Variants in GMPS observed in about 807,000 individuals in gnomAD.
GMPS encodes guanosine monophosphate synthase, also known as GMP synthase [glutamine-hydrolyzing].
Under a neutral mutation model 77.9 loss-of-function variants are expected in GMPS, and 15 were observed. The observed-to-expected ratio is 0.19, with a 90% CI of 0.13 to 0.30. The LOEUF (loss-of-function observed/expected upper bound fraction) is 0.30. Among genes scored for constraint, GMPS ranks in the 10% least tolerant of loss-of-function variants. The probability of loss-of-function intolerance (pLI) is 1.00; values close to 1 mark genes in which losing one functional copy is unlikely to be tolerated. For synonymous variants in GMPS, 224 were observed against 275.9 expected (o/e 0.81, Z 1.86); for missense variants, 590 against 838.8 (o/e 0.70, Z 3.66).
chr3:155,899,343 CA>C (rs1402114918), intron 3 of GMPS, among the ~76,000 whole-genome samples: 1 of 150,294 alleles, frequency 6.7e-6, no homozygotes, highest in Non-Finnish European at 1.5e-5. Flanking sequence ...ACTCCAGCCT[CA>C]GTGACAAGAG....
chr3:155,882,658 A>C (rs1754238254), intron 1 of GMPS, among the ~76,000 whole-genome samples: 1 of 152,256 alleles, frequency 6.6e-6, no homozygotes, highest in Non-Finnish European at 1.5e-5. Context: ...AATATATTTT[A>C]AAAGCCCCCA....
intron 1 of GMPS, among the ~76,000 whole-genome samples, chr3:155,876,914 C>T (rs1010434612): frequency 6.6e-6 from 1 of 152,304 alleles, no homozygotes; most frequent in East Asian, 1.9e-4. Context: ...TCTAGTCTGC[C>T]ATAACACTTG....
At chr3:155,936,712 G>T (rs890276196) in intron 15 of GMPS, among the ~76,000 whole-genome samples, 1 of 151,838 alleles carries the variant, frequency 6.6e-6, no homozygotes, top group African/African-American at 2.4e-5. Context: ...CTCTCCAATT[G>T]TGTGATTACT....
At chr3:155,935,748 A>G (rs543694736) in intron 14 of GMPS, among the ~76,000 whole-genome samples, 2 of 152,240 alleles carry the variant, frequency 1.3e-5, no homozygotes, top group South Asian at 4.2e-4. Flanking sequence ...GATCTCAACT[A>G]TAGTGTTGAA....
chr3:155,936,562 A>T (rs1483792286), intron 15 of GMPS, 52 bp downstream of exon 15: 2 of 1,022,556 alleles, frequency 2.0e-6, no homozygotes, highest in Non-Finnish European at 3.1e-6. Context: ...CTTACATTTT[A>T]TAATATGGTG....
At chr3:155,870,626 G>C (rs1323198831), upstream of GMPS, 1 of 458,268 alleles carries the variant, frequency 2.2e-6, no homozygotes, top group East Asian at 3.6e-5. Flanking sequence ...GTGGCCGGCC[G>C]GGGCGGAAGC....
At chr3:155,899,568 A>G (rs975840897) in intron 3 of GMPS, among the ~76,000 whole-genome samples, 7 of 152,214 alleles carry the variant, frequency 4.6e-5, no homozygotes, top group Non-Finnish European at 5.9e-5. Flanking sequence ...CCCACACCAG[A>G]GTGATACATT....
chr3:155,898,729 C>T (rs1754658912), intron 3 of GMPS, among the ~76,000 whole-genome samples: 1 of 152,034 alleles, frequency 6.6e-6, no homozygotes. Flanking sequence ...GTGATGATTC[C>T]TCATTGTTAG....
chr3:155,874,938 G>T (rs2108044581), intron 1 of GMPS, among the ~76,000 whole-genome samples: 2 of 118,484 alleles, frequency 1.7e-5, no homozygotes, highest in Non-Finnish European at 3.2e-5. Context: ...GACAGAGTCT[G>T]GCTCTGTTGC....
At position 155,941,036 on chromosome 3, in the gene GMPS, A is replaced by T; in HGVS notation, c.*3344A>T. The T allele has an allele frequency of 5.1e-6, 1 of 195,008 alleles. No homozygotes were observed. The highest frequency in any genetic ancestry group is 1.1e-5 in the Non-Finnish European group (1 of 93,608). 12.1% of individuals were successfully genotyped at this position (195,008 alleles called of 1,614,324 possible). The stretch of plus-strand genomic sequence containing the variant: ...TACATACAGCTAATTGTTGGGAGCT[A>T]GAGCTAGAATCCAAGCTTTCTGATT... On this transcript the variant is annotated 3_prime_UTR_variant, in exon 16 of 16. Coordinates refer to ENST00000496455, the MANE Select transcript of GMPS (RefSeq NM_003875.3).
chr3:155,882,640 T>A lies in GMPS; in HGVS notation c.28-10878T>A, dbSNP rs187321508. ...GTAAATTTCTAGACAAATGAAAATT[T>A]AAAATCCAATATATTTTAAAAGCCC... On this transcript the variant is annotated intron_variant, in intron 1 of 15. Transcript: ENST00000496455. Among the ~76,000 whole-genome samples the A allele has an allele frequency of 2.6e-3, 394 of 152,356 alleles. 3 individuals carry two copies. Among genetic ancestry groups the A allele is most frequent in the Non-Finnish European group, 8.1e-4 (55 of 68,038 alleles).
At chr3:155,900,218 A>G (rs1218221944) in intron 3 of GMPS, among the ~76,000 whole-genome samples, 1 of 152,136 alleles carries the variant, frequency 6.6e-6, no homozygotes, top group Non-Finnish European at 1.5e-5. Context: ...ACAATTTTGC[A>G]TTTTACAGTA....
intron 12 of GMPS, among the ~76,000 whole-genome samples, chr3:155,927,070 A>G (rs1387674100): frequency 6.6e-6 from 1 of 152,112 alleles, no homozygotes; most frequent in African/African-American, 2.4e-5. Context: ...ATTTTATTTC[A>G]TGAAAGTGAT....
At chr3:155,908,212 G>A (rs1754943190) in intron 5 of GMPS, among the ~76,000 whole-genome samples, 1 of 152,200 alleles carries the variant, frequency 6.6e-6, no homozygotes, top group African/African-American at 2.4e-5. Context: ...GAAGATAAAG[G>A]GGAGGGTACC....
At chr3:155,879,727 G>T (rs1388770578) in intron 1 of GMPS, among the ~76,000 whole-genome samples, 9 of 105,248 alleles carry the variant, frequency 8.6e-5, no homozygotes, top group South Asian at 3.2e-4. Context: ...GGTCTTTTTT[G>T]CCCTTTTTTT....
rs1366492989 is a variant in GMPS at position 155,942,124 on chromosome 3, C to G, written c.*4432C>G. On this transcript the variant is annotated 3_prime_UTR_variant, in exon 16 of 16. Transcript: ENST00000496455. ...TTGTTTTTTTTTTAAGACAGAGTCT[C>G]GCTCTGTCCCCAAGTGCAGTGGCAC... 8 of 189,194 alleles carry G rather than the reference C, an allele frequency of 4.2e-5. No individual in the cohort carries two copies. The South Asian group carries it at 1.4e-3, about 32-fold the overall frequency. The allele number at this position is 189,194 out of a possible 1,614,324, so 11.7% of individuals were successfully genotyped here.
intron 1 of GMPS, among the ~76,000 whole-genome samples, chr3:155,886,722 G>A (rs2108063386): frequency 6.8e-6 from 1 of 146,120 alleles, no homozygotes; most frequent in African/African-American, 2.5e-5. Context: ...TAGCCAGGTT[G>A]GTCTCGATCT....
At chr3:155,892,578 C>G (rs1413336131) in intron 1 of GMPS, among the ~76,000 whole-genome samples, 2 of 152,154 alleles carry the variant, frequency 1.3e-5, no homozygotes, top group African/African-American at 4.8e-5. Context: ...ATTAACCTTT[C>G]AGAAAAGTGT....
intron 1 of GMPS, among the ~76,000 whole-genome samples, chr3:155,871,575 C>G (rs1203898731): frequency 6.6e-6 from 1 of 152,250 alleles, no homozygotes; most frequent in Non-Finnish European, 1.5e-5. Context: ...TCGCGCACTC[C>G]GTTCTCCCTC....
Sources: gnomAD v4.1 joint callset for allele counts (sites outside exome capture counted in the v4.1 genomes callset) on GRCh38, gnomAD v4.1.1 for gene constraint, MANE v1.5 for transcripts, NCBI Gene and HGNC (gene_info 2026-07-23, HGNC 2026-07-21) for gene names.